The following CFAP96 variants were observed in gnomAD, a reference collection of about 807,000 sequenced individuals.
The protein encoded by CFAP96 is cilia-and flagella-associated protein 96.
At chr4:185,416,818 T>C in the CFAP96 span, among the ~76,000 whole-genome samples, 6 of 152,260 alleles carry the variant, frequency 3.9e-5, no homozygotes, top group African/African-American at 9.6e-5. Flanking sequence ...AAATAACTAA[T>C]GATAGTACCA....
the CFAP96 span, chr4:185,413,911 T>C: frequency 1.3e-6 from 2 of 1,544,104 alleles, no homozygotes; most frequent in Non-Finnish European, 1.7e-6. Flanking sequence ...GAAAAAATGT[T>C]GGTGATTTAG....
chr4:185,446,805 T>C, the CFAP96 span, among the ~76,000 whole-genome samples: 1 of 152,250 alleles, frequency 6.6e-6, no homozygotes, highest in Non-Finnish European at 1.5e-5. Context: ...TGAAGTTATC[T>C]TCTGGTTTCA....
At chr4:185,439,232 C>T in the CFAP96 span, among the ~76,000 whole-genome samples, 2 of 152,050 alleles carry the variant, frequency 1.3e-5, no homozygotes, top group Admixed American at 6.6e-5. Context: ...ATTCCCATGA[C>T]AAGTAAATTT....
chr4:185,426,170 T>A, the CFAP96 span: 72 of 474,852 alleles, frequency 1.5e-4, no homozygotes, highest in Non-Finnish European at 2.5e-4. Context: ...TCTCCTCGTA[T>A]CCTCCCACAG....
chr4:185,421,818 G>T, the CFAP96 span, among the ~76,000 whole-genome samples: 6 of 152,308 alleles, frequency 3.9e-5, no homozygotes, highest in Admixed American at 1.3e-4. Context: ...CATTTATAAT[G>T]AGGGTGTTAA....
chr4:185,431,884 A>G, the CFAP96 span: 1 of 993,744 alleles, frequency 1.0e-6, no homozygotes, highest in Non-Finnish European at 1.5e-6. Context: ...AAAATTCATA[A>G]TTGGCCCAAA....
chr4:185,443,342 A>ATATATATATATATATATATTTTTT, the CFAP96 span, among the ~76,000 whole-genome samples: 1 of 26,730 alleles, frequency 3.7e-5, no homozygotes, highest in Non-Finnish European at 7.4e-5. Flanking sequence ...ATATATATAT[A>ATATATATATATATATATATTTTTT]TTTTTTTTTT....
chr4:185,440,737 G>A, the CFAP96 span: 1 of 1,202,620 alleles, frequency 8.3e-7, no homozygotes, highest in Non-Finnish European at 1.1e-6. Context: ...TACAATTTTA[G>A]GATGAAAAAA....
the CFAP96 span, among the ~76,000 whole-genome samples, chr4:185,440,386 A>T: frequency 2.6e-5 from 4 of 152,186 alleles, no homozygotes; most frequent in Non-Finnish European, 4.4e-5. Flanking sequence ...TTGTATCATA[A>T]AAATAGAACA....
chr4:185,411,275 C>T, the CFAP96 span, among the ~76,000 whole-genome samples: 1 of 151,898 alleles, frequency 6.6e-6, no homozygotes, highest in East Asian at 1.9e-4. Flanking sequence ...TACTAAAAAT[C>T]TTCTCACAAA....
At chr4:185,439,012 G>C in the CFAP96 span, among the ~76,000 whole-genome samples, 9,548 of 152,222 alleles carry the variant, frequency 0.063, 440 homozygotes, top group African/African-American at 0.12. Context: ...GAACATTCTA[G>C]GGCAGGGGTT....
At chr4:185,445,148 T>C in the CFAP96 span, 1 of 1,542,330 alleles carries the variant, frequency 6.5e-7, no homozygotes, top group Non-Finnish European at 8.8e-7. Flanking sequence ...TATCTTACAC[T>C]TAGCTTACAA....
chr4:185,408,445 G>A, the CFAP96 span: 1 of 1,610,650 alleles, frequency 6.2e-7, no homozygotes, highest in Non-Finnish European at 8.5e-7. Flanking sequence ...TCTATATACA[G>A]AGAAGAAACA....
At chr4:185,444,569 GACTGGCATTTAGTAA>G in the CFAP96 span, among the ~76,000 whole-genome samples, 128,652 of 151,608 alleles carry the variant, frequency 0.85, 55,484 homozygotes, top group East Asian at 0.99. Flanking sequence ...CTCCATCATT[GACTGGCATTTAGTAA>G]ACTCATGTTG....
At chr4:185,415,211 C>G in the CFAP96 span, 1 of 1,607,358 alleles carries the variant, frequency 6.2e-7, no homozygotes, top group Non-Finnish European at 8.5e-7. Flanking sequence ...GAAATTGTTA[C>G]AAGATTTTTT....
chr4:185,445,222 C>A, the CFAP96 span: 2 of 1,173,650 alleles, frequency 1.7e-6, no homozygotes, highest in Non-Finnish European at 1.2e-6. Context: ...TTTATATATA[C>A]TTTTTTAAAT....
chr4:185,409,889 T>A, the CFAP96 span, among the ~76,000 whole-genome samples: 1 of 152,100 alleles, frequency 6.6e-6, no homozygotes, highest in African/African-American at 2.4e-5. Flanking sequence ...AACCAAAGGA[T>A]GCTGGCAGCC....
At chr4:185,433,312 G>A in the CFAP96 span, among the ~76,000 whole-genome samples, 3 of 148,168 alleles carry the variant, frequency 2.0e-5, no homozygotes, top group African/African-American at 5.0e-5. Flanking sequence ...GGAGAATCTC[G>A]CTTTAACTCC....
At chr4:185,447,478 C>A in the CFAP96 span, among the ~76,000 whole-genome samples, 1 of 152,174 alleles carries the variant, frequency 6.6e-6, no homozygotes, top group Non-Finnish European at 1.5e-5. Flanking sequence ...CCACGCCCGG[C>A]CGATTTTATA....
Sources: allele counts gnomAD v4.1 joint callset (sites outside exome capture counted in the v4.1 genomes callset), GRCh38; gene constraint gnomAD v4.1.1; transcripts MANE v1.5; gene names NCBI Gene and HGNC (gene_info 2026-07-23, HGNC 2026-07-21).